FBXO25: variants seen among roughly 807,000 people sequenced by gnomAD.
FBXO25 encodes F-box protein 25.
FBXO25 carries 45 observed loss-of-function variants against 51.9 expected under a neutral mutation model. That is an observed-to-expected ratio of 0.87 (90% CI 0.68 to 1.11). FBXO25 has a LOEUF of 1.11. Among genes scored for constraint, FBXO25 ranks in the 50% most tolerant of loss-of-function variants. The pLI is 0.00. For missense variants in FBXO25, 507 were observed against 428.5 expected (o/e 1.18, Z -1.62); for synonymous variants, 199 against 151.0 (o/e 1.32, Z -2.33).
At chr8:448,845 T>G (rs1418302958) in intron 5 of FBXO25, among the ~76,000 whole-genome samples, 3 of 152,214 alleles carry the variant, frequency 2.0e-5, no homozygotes, top group Non-Finnish European at 4.4e-5. Flanking sequence ...AACAGTAAAC[T>G]AACAGGCTAA....
At chr8:450,262 G>A (rs934494650) in intron 6 of FBXO25, among the ~76,000 whole-genome samples, 179 bp downstream of exon 6, 18 of 152,080 alleles carry the variant, frequency 1.2e-4, no homozygotes, top group Non-Finnish European at 1.6e-4. Context: ...TGTTACTGCC[G>A]TTTACTTTTT....
intron 1 of FBXO25, among the ~76,000 whole-genome samples, chr8:410,447 G>C (rs565390394): frequency 6.6e-6 from 1 of 151,664 alleles, no homozygotes; most frequent in African/African-American, 2.4e-5. Flanking sequence ...TTTTAATATA[G>C]ATTTCTGAAT....
rs922799684 is a variant in FBXO25, at chr8:472,635, C to T, written c.*3831C>T. 2.6e-5 allele frequency: 4 copies of T among 151,870 alleles called. No individual in the cohort carries two copies. Among genetic ancestry groups the T allele is most frequent in the African/African-American group, 4.8e-5 (2 of 41,342 alleles). 9.4% of individuals were successfully genotyped at this position (151,870 alleles called of 1,614,324 possible). A position where few individuals can be genotyped will look rare whatever the true frequency, so the allele number is the denominator to read the frequency against. On this transcript the variant is annotated 3_prime_UTR_variant, in exon 10 of 10. Transcript: ENST00000350302. ...TGTTTGTGGTGGTTTCTTGTTAATT[C>T]TTCTTTAAATGTTTGAGAGAACTCC...
At chr8:466,619 C>G (rs1800176158) in intron 9 of FBXO25, among the ~76,000 whole-genome samples, 1 of 152,200 alleles carries the variant, frequency 6.6e-6, no homozygotes, top group Non-Finnish European at 1.5e-5. Context: ...GTGCATCTGT[C>G]TCAGGTCTGC....
intron 1 of FBXO25, among the ~76,000 whole-genome samples, chr8:410,727 T>C (rs1796438025): frequency 6.6e-6 from 1 of 152,230 alleles, no homozygotes; most frequent in Non-Finnish European, 1.5e-5. Context: ...GAAGCAGTTC[T>C]GTGAGACAAA....
intron 9 of FBXO25, among the ~76,000 whole-genome samples, chr8:464,932 G>A (rs1232947186): frequency 6.6e-6 from 1 of 152,186 alleles, no homozygotes; most frequent in African/African-American, 2.4e-5. Flanking sequence ...TATCCCTCAA[G>A]AGCAGGGAAC....
At chr8:427,097 T>C (rs1239206667) in intron 2 of FBXO25, among the ~76,000 whole-genome samples, 12 of 151,940 alleles carry the variant, frequency 7.9e-5, no homozygotes, top group South Asian at 2.1e-4. Flanking sequence ...TACGACCTGA[T>C]TGGAAAATGT....
In FBXO25 at chr8:474,004, T is replaced by C. The variant is rs1048247651; in HGVS notation, c.*5200T>C. 6.6e-6 allele frequency: 1 copy of C among 152,198 alleles called. No individual in the cohort carries two copies. Among genetic ancestry groups the C allele is most frequent in the Non-Finnish European group, 1.5e-5 (1 of 68,072 alleles). 9.4% of individuals were successfully genotyped at this position (152,198 alleles called of 1,614,324 possible). ...TGCAATTTAGTGGCATTAAATACAT[T>C]CATACTGTGCAACCTTCTCTACCAC... is the stretch of plus-strand genomic sequence containing the variant. On this transcript the variant is annotated 3_prime_UTR_variant, in exon 10 of 10. Coordinates refer to ENST00000350302, the MANE Select transcript of FBXO25 (RefSeq NM_183420.2).
intron 5 of FBXO25, among the ~76,000 whole-genome samples, chr8:440,609 T>G (rs1204862229): frequency 6.6e-6 from 1 of 151,928 alleles, no homozygotes; most frequent in Non-Finnish European, 1.5e-5. Context: ...AAATTATACT[T>G]TAAGTTCTGG....
At chr8:449,539 A>G (rs1409744225) in intron 5 of FBXO25, among the ~76,000 whole-genome samples, 4 of 152,224 alleles carry the variant, frequency 2.6e-5, no homozygotes, top group African/African-American at 4.8e-5. Context: ...TAATTTCTAC[A>G]TGGAAGGGCT....
chr8:447,581 A>C (rs1798820837), intron 5 of FBXO25, among the ~76,000 whole-genome samples: 2 of 152,132 alleles, frequency 1.3e-5, no homozygotes, highest in African/African-American at 4.8e-5. Context: ...CTTAATCCCA[A>C]ATGCTTAGAA....
intron 9 of FBXO25, chr8:468,127 A>C (rs1332328451): frequency 1.9e-6 from 2 of 1,045,364 alleles, no homozygotes; most frequent in East Asian, 1.7e-4. Context: ...TCATCCACAA[A>C]ATTAATTTTT....
At position 458,352 on chromosome 8, in the gene FBXO25, TTG is replaced by T. The variant is rs1799589821; in HGVS notation, c.661-13_661-12del. 6.2e-7 allele frequency: 1 copy of T among 1,609,992 alleles called. No individual in the cohort carries two copies. Among genetic ancestry groups the T allele is most frequent in the Non-Finnish European group, 8.5e-7 (1 of 1,177,660 alleles). ...TGGCCATCTTCTCAGTGAGTTGCTG[TTG>T]TGTTTTCCTTTCAGCAAGTGAACAA... On this transcript the variant is annotated splice_polypyrimidine_tract_variant and intron_variant, in intron 7 of 9. Coordinates refer to ENST00000350302, the MANE Select transcript of FBXO25 (RefSeq NM_183420.2).
intron 9 of FBXO25, among the ~76,000 whole-genome samples, chr8:463,815 T>C (rs1033837902): frequency 3.9e-5 from 6 of 152,148 alleles, no homozygotes; most frequent in Admixed American, 3.3e-4. Flanking sequence ...ATTTCTTTGT[T>C]GTCTTTTTTC....
chr8:429,473 G>C (rs1797688233), intron 2 of FBXO25, among the ~76,000 whole-genome samples: 1 of 152,228 alleles, frequency 6.6e-6, no homozygotes, highest in Admixed American at 6.5e-5. Context: ...AAGAGAACAT[G>C]TTTGCTGTGA....
At chr8:420,482 A>G (rs920621029) in intron 2 of FBXO25, 5 of 152,236 alleles carry the variant, frequency 3.3e-5, no homozygotes, top group Non-Finnish European at 5.9e-5. Flanking sequence ...CAAAACCTGC[A>G]TGTGACTGTT....
At chr8:463,278 T>C (rs964910280) in intron 9 of FBXO25, 128 bp downstream of exon 9, 11 of 1,080,108 alleles carry the variant, frequency 1.0e-5, no homozygotes, top group Admixed American at 2.6e-5. Context: ...TAAGGAGATA[T>C]ATTTTACCAA....
intron 2 of FBXO25, among the ~76,000 whole-genome samples, chr8:424,778 T>C (rs2117545502): frequency 6.6e-6 from 1 of 152,288 alleles, no homozygotes; most frequent in South Asian, 2.1e-4. Context: ...TATAGTATAG[T>C]TTGAAGTTGA....
chr8:435,566 A>C, intron 4 of FBXO25, 49 bp from the exon 5 acceptor site: 5 of 1,583,272 alleles, frequency 3.2e-6, no homozygotes, highest in Middle Eastern at 4.6e-4. Flanking sequence ...TTAACTGCCA[A>C]TTCTTTTTGG....
Sources: allele counts gnomAD v4.1 joint callset (sites outside exome capture counted in the v4.1 genomes callset), GRCh38; gene constraint gnomAD v4.1.1; transcripts MANE v1.5; gene names NCBI Gene and HGNC (gene_info 2026-07-23, HGNC 2026-07-21).